RNF122: variants seen among roughly 807,000 people sequenced by gnomAD.
The protein encoded by RNF122 is ring finger protein 122.
RNF122 carries 17 observed loss-of-function variants against 24.2 expected under a neutral mutation model. The ratio of observed to expected loss-of-function variants is 0.70; its 90% CI spans 0.48 to 1.06. RNF122 has a LOEUF of 1.06. Ranked by LOEUF, RNF122 falls within the 50% of genes least tolerant of loss-of-function variation. The pLI is 0.00. For synonymous variants in RNF122, 65 were observed against 71.8 expected (o/e 0.91, Z 0.48); for missense variants, 168 against 198.1 (o/e 0.85, Z 0.91).
rs1810310874 is a variant in RNF122 at position 33,547,980 on chromosome 8, C to CCAA, written c.*772_*773insTTG. On this transcript the variant is annotated 3_prime_UTR_variant, in exon 6 of 6. Coordinates refer to ENST00000256257, the MANE Select transcript of RNF122 (RefSeq NM_024787.3). Reference sequence around the variant, plus strand: ...CCCCCATCCCCACACCCCTTTTGATCAAAAAAAAAAAAAAAAAAAAAAAAA... The same window carrying CCAA: ...CCCCCATCCCCACACCCCTTTTGATCCAAAAAAAAAAAAAAAAAAAAAAAAAAA... The CCAA allele has an allele frequency of 2.6e-5, 1 of 37,846 alleles. No homozygotes were observed. The highest frequency in any genetic ancestry group is 4.4e-5 in the Non-Finnish European group (1 of 22,888). The allele number at this position is 37,846 out of a possible 1,614,324, so 2.3% of individuals were successfully genotyped here. A position where few individuals can be genotyped will look rare whatever the true frequency, so the allele number is the denominator to read the frequency against.
At chr8:33,562,869 GC>G (rs1173743222) in intron 1 of RNF122, among the ~76,000 whole-genome samples, 5 of 152,172 alleles carry the variant, frequency 3.3e-5, no homozygotes, top group African/African-American at 1.2e-4. Flanking sequence ...GTTGCAGTGA[GC>G]GGAGATCACA....
At chr8:33,550,419 A>T (rs1810357877) in intron 4 of RNF122, among the ~76,000 whole-genome samples, 1 of 152,220 alleles carries the variant, frequency 6.6e-6, no homozygotes, top group South Asian at 2.1e-4. Context: ...GCTCCCAGAC[A>T]ACCACAAACA....
Position 33,566,847 on chromosome 8 carries a change from C to A in RNF122, c.-124G>T. On this transcript the variant is annotated 5_prime_UTR_variant, in exon 1 of 6. The change creates a new upstream start codon in the 5' untranslated region. Coordinates refer to ENST00000256257, the MANE Select transcript of RNF122 (RefSeq NM_024787.3). Reference sequence around the variant, plus strand: ...GTCGGGGCAGCGCGCTGCAGCCGCCCTGCTGGAGAAGCCGAACTCCCTCCG... The same window carrying A: ...GTCGGGGCAGCGCGCTGCAGCCGCCATGCTGGAGAAGCCGAACTCCCTCCG... 2 of 1,136,778 alleles carry A rather than the reference C, an allele frequency of 1.8e-6. No individual in the cohort carries two copies. Among genetic ancestry groups the A allele is most frequent in the Admixed American group, 2.0e-5 (1 of 49,372 alleles). 70.4% of individuals were successfully genotyped at this position (1,136,778 alleles called of 1,614,324 possible).
chr8:33,565,743 G>C (rs1585364018), intron 1 of RNF122, among the ~76,000 whole-genome samples: 1 of 152,206 alleles, frequency 6.6e-6, no homozygotes, highest in East Asian at 1.9e-4. Flanking sequence ...TTGGGCTCAG[G>C]AGCAGACACC....
chr8:33,549,985 G>A (rs1181488488), intron 4 of RNF122, among the ~76,000 whole-genome samples: 3 of 151,694 alleles, frequency 2.0e-5, no homozygotes, highest in African/African-American at 7.3e-5. Flanking sequence ...CCAGGCTGGA[G>A]TGCAATGGTG....
At chr8:33,550,942 G>T in intron 4 of RNF122, 102 bp downstream of exon 4, 1 of 1,078,568 alleles carries the variant, frequency 9.3e-7, no homozygotes, top group Non-Finnish European at 1.4e-6. Context: ...TGAAGGCATG[G>T]ACTAAGCAGT....
Position 33,566,849 on chromosome 8 carries a change from G to T in RNF122, c.-126C>A. ...CGGGGCAGCGCGCTGCAGCCGCCCT[G>T]CTGGAGAAGCCGAACTCCCTCCGGA... On this transcript the variant is annotated 5_prime_UTR_variant, in exon 1 of 6. Transcript: ENST00000256257. 2 of 1,090,532 alleles carry T rather than the reference G, an allele frequency of 1.8e-6. No homozygotes were observed. Among genetic ancestry groups the T allele is most frequent in the Non-Finnish European group, 2.7e-6 (2 of 734,596 alleles). 67.6% of individuals were successfully genotyped at this position (1,090,532 alleles called of 1,614,324 possible).
intron 1 of RNF122, among the ~76,000 whole-genome samples, chr8:33,562,886 G>A (rs539873205): frequency 6.6e-6 from 1 of 152,220 alleles, no homozygotes; most frequent in East Asian, 1.9e-4. Context: ...TCACACCACT[G>A]CACTCTAGCC....
At chr8:33,549,254 C>T (rs1012903474) in intron 5 of RNF122, among the ~76,000 whole-genome samples, 156 bp downstream of exon 5, 1 of 152,082 alleles carries the variant, frequency 6.6e-6, no homozygotes, top group Non-Finnish European at 1.5e-5. Flanking sequence ...TACCCCTGTC[C>T]CAACCTAATC....
chr8:33,548,890 A>C, intron 5 of RNF122, 23 bp from the exon 6 acceptor site: 1 of 1,524,362 alleles, frequency 6.6e-7, no homozygotes, highest in East Asian at 2.3e-5. Flanking sequence ...GAGGAATGGT[A>C]ATCTCTAACC....
intron 2 of RNF122, among the ~76,000 whole-genome samples, chr8:33,553,714 T>C (rs1012919706): frequency 3.3e-5 from 5 of 152,228 alleles, no homozygotes; most frequent in Admixed American, 1.3e-4. Context: ...AGCTGCTCCC[T>C]GGGTAATGGA....
intron 3 of RNF122, 67 bp downstream of exon 3, chr8:33,551,277 C>A (rs1810371074): frequency 6.3e-7 from 1 of 1,577,504 alleles, no homozygotes; most frequent in Non-Finnish European, 8.7e-7. Context: ...CCTGAGCCTG[C>A]CCTCCTTGCC....
intron 1 of RNF122, among the ~76,000 whole-genome samples, chr8:33,563,646 T>G (rs951897561): frequency 6.6e-6 from 1 of 151,956 alleles, no homozygotes; most frequent in African/African-American, 2.4e-5. Context: ...CTGGCTAGAG[T>G]GACAAACTTC....
chr8:33,566,389 G>T (rs963158947), intron 1 of RNF122, among the ~76,000 whole-genome samples: 3 of 152,222 alleles, frequency 2.0e-5, no homozygotes, highest in African/African-American at 7.2e-5. Flanking sequence ...CAGAGTTTGA[G>T]CGCACAAAGG....
chr8:33,555,374 TG>T (rs1810436779), intron 2 of RNF122, among the ~76,000 whole-genome samples: 1 of 152,108 alleles, frequency 6.6e-6, no homozygotes. Context: ...GGCTAATTTT[TG>T]TATTTTTAGT....
Position 33,551,490 on chromosome 8 carries a change from G to C in RNF122, c.183-101C>G, listed in dbSNP as rs763092593. The C allele has an allele frequency of 2.5e-6, 3 of 1,211,910 alleles. No individual in the cohort carries two copies. In the South Asian group the frequency reaches 3.7e-5, roughly 15 times the overall value. The allele number at this position is 1,211,910 out of a possible 1,614,324, so 75.1% of individuals were successfully genotyped here. On this transcript the variant is annotated intron_variant, in intron 2 of 5. Transcript: ENST00000256257. Reference sequence around the variant, plus strand: ...TTGGGCATTCTTCCGAGGGCAGGGAGGGGTGCTTGTCCCATACACACCACA... The same window carrying C: ...TTGGGCATTCTTCCGAGGGCAGGGACGGGTGCTTGTCCCATACACACCACA...
intron 1 of RNF122, 61 bp downstream of exon 1, chr8:33,566,638 C>T: frequency 6.5e-7 from 1 of 1,542,158 alleles, no homozygotes; most frequent in Non-Finnish European, 8.8e-7. Context: ...TCCGACCTCG[C>T]ACCCCGCGCC....
intron 2 of RNF122, among the ~76,000 whole-genome samples, chr8:33,551,740 T>C (rs1007098173): frequency 3.9e-5 from 6 of 152,164 alleles, no homozygotes; most frequent in Non-Finnish European, 7.3e-5. Flanking sequence ...TTACTGAGTG[T>C]GCGGAAGTTA....
intron 2 of RNF122, 138 bp from the exon 3 acceptor site, chr8:33,551,527 G>A (rs1424677892): frequency 1.2e-6 from 1 of 822,914 alleles, no homozygotes; most frequent in Non-Finnish European, 2.0e-6. Context: ...GGCATACTTT[G>A]GACCTATGCA....
Sources: gnomAD v4.1 joint callset for allele counts (sites outside exome capture counted in the v4.1 genomes callset) on GRCh38, gnomAD v4.1.1 for gene constraint, MANE v1.5 for transcripts, NCBI Gene and HGNC (gene_info 2026-07-23, HGNC 2026-07-21) for gene names.